RPS6KA2: variants seen among roughly 807,000 people sequenced by gnomAD.
The protein encoded by RPS6KA2 is ribosomal protein S6 kinase alpha-2.
A neutral mutation model predicts 91.8 loss-of-function variants in RPS6KA2; 42 were observed. The observed-to-expected ratio is 0.46, with a 90% CI of 0.36 to 0.59. The LOEUF (loss-of-function observed/expected upper bound fraction) is 0.59, where lower values mean the gene tolerates loss of function less well. RPS6KA2 is among the 20% of genes least tolerant of loss of function. The probability of loss-of-function intolerance (pLI) is 0.00; values close to 1 mark genes in which losing one functional copy is unlikely to be tolerated. For missense variants in RPS6KA2, 798 were observed against 978.5 expected (o/e 0.82, Z 2.46); for synonymous variants, 414 against 393.6 (o/e 1.05, Z -0.61).
intron 2 of RPS6KA2, among the ~76,000 whole-genome samples, chr6:166,667,285 A>G (rs1363407596): frequency 6.6e-6 from 1 of 152,244 alleles, no homozygotes; most frequent in Non-Finnish European, 1.5e-5. Flanking sequence ...AAAATTTTTA[A>G]GTGTAAGGAT....
At chr6:166,504,982 A>G (rs1486841460) in intron 5 of RPS6KA2, among the ~76,000 whole-genome samples, 1 of 152,206 alleles carries the variant, frequency 6.6e-6, no homozygotes, top group East Asian at 1.9e-4. Flanking sequence ...TTCATAACAA[A>G]TGTAATACAA....
At chr6:166,634,583 T>C (rs1787178235) in intron 2 of RPS6KA2, among the ~76,000 whole-genome samples, 1 of 152,248 alleles carries the variant, frequency 6.6e-6, no homozygotes, top group Non-Finnish European at 1.5e-5. Flanking sequence ...GTGTAAATTA[T>C]GTGAGATGAG....
rs189795959 is a variant in RPS6KA2 at position 166,522,335 on chromosome 6, G to A, written c.298+8897C>T. Reference sequence around the variant, plus strand: ...CTAAGGAAACCACTGTGTTGGGGACGTAGTGGATGCCGCACTGACCGTGCA... The same window carrying A: ...CTAAGGAAACCACTGTGTTGGGGACATAGTGGATGCCGCACTGACCGTGCA... On this transcript the variant is annotated intron_variant, in intron 3 of 20. Transcript: ENST00000265678. 1.3e-3 allele frequency among the ~76,000 whole-genome samples: 203 copies of A among 152,348 alleles called. 1 individual carries two copies. The highest frequency in any genetic ancestry group is 4.7e-3 in the African/African-American group (194 of 41,572).
At chr6:166,461,097 A>C (rs1014132917) in intron 11 of RPS6KA2, among the ~76,000 whole-genome samples, 1 of 152,082 alleles carries the variant, frequency 6.6e-6, no homozygotes, top group African/African-American at 2.4e-5. Flanking sequence ...CCGGGGGCTT[A>C]TCAGGCAGCA....
chr6:166,793,104 C>T (rs1336008896), intron 2 of RPS6KA2, among the ~76,000 whole-genome samples: 1 of 152,088 alleles, frequency 6.6e-6, no homozygotes, highest in Admixed American at 6.6e-5. Context: ...ATCTAGAAAA[C>T]CCCACTGTCT....
chr6:166,676,044 G>A (rs1027347059), intron 2 of RPS6KA2, among the ~76,000 whole-genome samples: 5 of 152,134 alleles, frequency 3.3e-5, no homozygotes, highest in South Asian at 2.1e-4. Flanking sequence ...GGCCGGGTGC[G>A]GTGGCTCATA....
chr6:166,413,663 C>T (rs775497285), intron 20 of RPS6KA2, 131 bp downstream of exon 20: 48 of 868,300 alleles, frequency 5.5e-5, no homozygotes, highest in African/African-American at 2.0e-4. Context: ...GGTGGGCCGG[C>T]GGTGCAGTTT....
intron 1 of RPS6KA2, among the ~76,000 whole-genome samples, chr6:166,620,971 G>A (rs553759824): frequency 6.6e-6 from 1 of 152,278 alleles, no homozygotes; most frequent in Admixed American, 6.5e-5. Flanking sequence ...AGGGAAACAG[G>A]GACACCACCT....
At chr6:166,812,006 G>A (rs532136888) in intron 2 of RPS6KA2, among the ~76,000 whole-genome samples, 34 of 152,264 alleles carry the variant, frequency 2.2e-4, no homozygotes, top group Admixed American at 4.6e-4. Flanking sequence ...AAATGAGTCC[G>A]GGGAACTTCT....
intron 2 of RPS6KA2, among the ~76,000 whole-genome samples, chr6:166,814,499 G>GGAGGT (rs1241239183): frequency 6.6e-6 from 1 of 152,248 alleles, no homozygotes; most frequent in South Asian, 2.1e-4. Flanking sequence ...CCACACAGCA[G>GGAGGT]GAGGTGAGTG....
intron 2 of RPS6KA2, among the ~76,000 whole-genome samples, chr6:166,747,599 C>A (rs1196190709): frequency 1.3e-5 from 2 of 152,186 alleles, no homozygotes; most frequent in Non-Finnish European, 2.9e-5. Flanking sequence ...CCCTTTCCAC[C>A]ACACAGACTA....
rs7744447 is a variant in RPS6KA2 at position 166,453,357 on chromosome 6, G to A, written c.1076-2124C>T. On this transcript the variant is annotated intron_variant, in intron 12 of 20. Transcript: ENST00000265678. ...AATATCTAGAATTTACAAGGAACTC[G>A]AACAACTCAACAACAACAACAAAAC... 4.1e-3 allele frequency among the ~76,000 whole-genome samples: 629 copies of A among 152,088 alleles called. 7 individuals carry two copies. Among genetic ancestry groups the A allele is most frequent in the African/African-American group, 0.014 (599 of 41,472 alleles).
chr6:166,616,021 C>T (rs536574707), intron 1 of RPS6KA2, among the ~76,000 whole-genome samples: 9 of 152,132 alleles, frequency 5.9e-5, no homozygotes, highest in East Asian at 1.9e-4. Context: ...GCAGTCCCTG[C>T]GCTAGGCCTC....
intron 2 of RPS6KA2, among the ~76,000 whole-genome samples, chr6:166,823,487 T>TA (rs1325694120): frequency 6.6e-6 from 1 of 151,556 alleles, no homozygotes; most frequent in African/African-American, 2.4e-5. Context: ...AGGGTGACCT[T>TA]ATCTTTAGAG....
chr6:166,536,597 C>T (rs1783486063), intron 2 of RPS6KA2, among the ~76,000 whole-genome samples: 1 of 152,162 alleles, frequency 6.6e-6, no homozygotes, highest in Non-Finnish European at 1.5e-5. Flanking sequence ...TTTCCAGAGT[C>T]CAGCTCGCAT....
chr6:166,609,104 C>A (rs1786063398), intron 1 of RPS6KA2, among the ~76,000 whole-genome samples: 1 of 152,082 alleles, frequency 6.6e-6, no homozygotes, highest in Admixed American at 6.5e-5. Context: ...ATAGGGAGAG[C>A]CAAGTAAGGA....
chr6:166,444,951 G>T (rs1265059381), intron 14 of RPS6KA2, among the ~76,000 whole-genome samples: 13 of 152,142 alleles, frequency 8.5e-5, no homozygotes, highest in Admixed American at 7.9e-4. Context: ...AATGCAAAGT[G>T]AACAATCTTG....
chr6:166,418,620 G>T lies in RPS6KA2; in HGVS notation c.1821-278C>A, dbSNP rs527608451. The stretch of plus-strand genomic sequence containing the variant: ...CCGGACCCAGGTAAACTGGGATGGG[G>T]TGGCCTAGTGAGTTGCCTGGTGCCG... On this transcript the variant is annotated intron_variant, in intron 18 of 20. Transcript: ENST00000265678. This position sits in a 1 kb window ranked among gnomAD's most constrained non-coding sequence, Gnocchi z 4.9. Among the ~76,000 whole-genome samples the T allele has an allele frequency of 3.3e-3, 504 of 152,364 alleles. 6 individuals are homozygous for T. Among genetic ancestry groups the T allele is most frequent in the African/African-American group, 0.012 (495 of 41,592 alleles).
intron 2 of RPS6KA2, among the ~76,000 whole-genome samples, chr6:166,805,450 TCCCCCAACTTGGGG>T (rs1050215550): frequency 6.6e-6 from 1 of 151,812 alleles, no homozygotes; most frequent in Non-Finnish European, 1.5e-5. Context: ...TCTTACCCCC[TCCCCCAACTTGGGG>T]GCCAGATGTT....
Sources: gnomAD v4.1 joint callset for allele counts (sites outside exome capture counted in the v4.1 genomes callset) on GRCh38, gnomAD v4.1.1 for gene constraint, Gnocchi (gnomAD v3.1) non-coding constraint, MANE v1.5 for transcripts, NCBI Gene and HGNC (gene_info 2026-07-23, HGNC 2026-07-21) for gene names.